The following LRATD1 variants were observed in gnomAD, a reference collection of about 807,000 sequenced individuals.
The protein encoded by LRATD1 is LRAT domain containing 1, also known as protein LRATD1.
LRATD1 carries 8 observed loss-of-function variants against 21.3 expected under a neutral mutation model. The observed-to-expected ratio is 0.38, with a 90% CI of 0.22 to 0.68. The LOEUF (loss-of-function observed/expected upper bound fraction) is 0.68, where lower values mean the gene tolerates loss of function less well. Among genes scored for constraint, LRATD1 ranks in the 30% least tolerant of loss-of-function variants. The pLI is 0.54. For synonymous variants in LRATD1, 210 were observed against 186.2 expected, an observed-to-expected ratio of 1.13 and a Z score of -1.04; for missense variants, 380 against 404.0, an observed-to-expected ratio of 0.94 and a Z score of 0.51.
In LRATD1 at chr2:14,634,001, A is replaced by T; in HGVS notation, c.22A>T (p.Ile8Phe). The part of the protein sequence containing the change: MGNQLDR[I>F]THLNYSELPT... ...ATTGATGGGCAACCAACTGGACCGCATCACCCACCTCAACTACAGCGAGTT... is the reference window on the plus strand; with the variant it reads ...ATTGATGGGCAACCAACTGGACCGCTTCACCCACCTCAACTACAGCGAGTT... The change falls in exon 2 of 2, where the codon ATC becomes TTC. Residue 8 changes from isoleucine to phenylalanine, a missense_variant. Physicochemically the swap from Ile to Phe is conservative, Grantham distance 21 (BLOSUM62 0). Transcript: ENST00000295092. 6.2e-7 allele frequency: 1 copy of T among 1,613,562 alleles called. No homozygotes were observed. Among genetic ancestry groups the T allele is most frequent in the East Asian group, 2.2e-5 (1 of 44,840 alleles).
chr2:14,642,035 A>G (rs1671812004), downstream of LRATD1: 1 of 152,244 alleles, frequency 6.6e-6, no homozygotes, highest in Non-Finnish European at 1.5e-5. Context: ...CACTTGCAGT[A>G]GGTGCTAAAT....
chr2:14,644,852 CTA>C (rs1671868497), downstream of LRATD1, among the ~76,000 whole-genome samples: 1 of 152,044 alleles, frequency 6.6e-6, no homozygotes, highest in African/African-American at 2.4e-5. Context: ...GATGTTGGAG[CTA>C]TGAGGACAAC....
intron 4 of LRATD1, among the ~76,000 whole-genome samples, chr2:14,649,140 G>A (rs561237327): frequency 7.2e-5 from 11 of 152,024 alleles, no homozygotes; most frequent in Non-Finnish European, 1.3e-4. Flanking sequence ...TTTACTTTTT[G>A]ACCTATGTTG....
chr2:14,634,992 G>T lies in LRATD1; in HGVS notation c.*134G>T, dbSNP rs1409144564. On this transcript the variant is annotated 3_prime_UTR_variant, in exon 2 of 2. Coordinates refer to ENST00000295092, the MANE Select transcript of LRATD1 (RefSeq NM_145175.4). Reference sequence around the variant, plus strand: ...CGCGCGTCCGCCGCCGGTGGCCCGGGCCCGGGCTGCACCCCCGCATCCCCA... The same window carrying T: ...CGCGCGTCCGCCGCCGGTGGCCCGGTCCCGGGCTGCACCCCCGCATCCCCA... 1 of 1,236,704 alleles carries T rather than the reference G, an allele frequency of 8.1e-7. No homozygotes were observed. The highest frequency in any genetic ancestry group is 1.4e-5 in the South Asian group (1 of 70,292). 76.6% of individuals were successfully genotyped at this position (1,236,704 alleles called of 1,614,324 possible). A position where few individuals can be genotyped will look rare whatever the true frequency, so the allele number is the denominator to read the frequency against.
Position 14,635,008 on chromosome 2 carries a change from C to T in LRATD1, c.*150C>T. The T allele has an allele frequency of 1.8e-6, 2 of 1,102,316 alleles. No homozygotes were observed. The highest frequency in any genetic ancestry group is 2.7e-6 in the Non-Finnish European group (2 of 753,914). 68.3% of individuals were successfully genotyped at this position (1,102,316 alleles called of 1,614,324 possible). ...GTGGCCCGGGCCCGGGCTGCACCCC[C>T]GCATCCCCAAGCCAGCGGCAGGAAG... On this transcript the variant is annotated 3_prime_UTR_variant, in exon 2 of 2. Coordinates refer to ENST00000295092, the MANE Select transcript of LRATD1 (RefSeq NM_145175.4).
Position 14,634,737 on chromosome 2 carries a change from A to G in LRATD1, c.758A>G (p.Lys253Arg), listed in dbSNP as rs748540195. Residue 253 changes from lysine (K) to arginine (R), a missense_variant, in exon 2 of 2, where the codon AAG becomes AGG. Coordinates refer to ENST00000295092, the MANE Select transcript of LRATD1 (RefSeq NM_145175.4). Reference sequence around the variant, plus strand: ...CTCAAGGTGCACCTGGGAGAGAACAAGGTCCACACCGCCAGGTTTCACAGC... The same window carrying G: ...CTCAAGGTGCACCTGGGAGAGAACAGGGTCCACACCGCCAGGTTTCACAGC... ...YYLKVHLGEN[K>R]VHTARFHSLE... is the part of the protein sequence containing the mutation. The G allele has an allele frequency of 2.6e-6, 4 of 1,565,040 alleles. No individual in the cohort carries two copies. The highest frequency in any genetic ancestry group is 3.5e-6 in the Non-Finnish European group (4 of 1,152,326).
In LRATD1 at chr2:14,634,132, C is replaced by A. The variant is rs752110913; in HGVS notation, c.153C>A (p.Asp51Glu). ...EEDLDERGQP[D>E]KFGVKAPPGC... is the part of the protein sequence containing the mutation. ...ACCTGGACGAACGCGGGCAGCCCGA[C>A]AAGTTTGGCGTGAAGGCCCCCCCGG... Residue 51 changes from aspartate (D) to glutamate (E), a missense_variant, in exon 2 of 2, where the codon GAC becomes GAA. Transcript: ENST00000295092. The A allele has an allele frequency of 6.2e-7, 1 of 1,614,118 alleles. No individual in the cohort carries two copies. The highest frequency in any genetic ancestry group is 1.7e-5 in the Admixed American group (1 of 60,030).
chr2:14,641,780 G>C (rs1362511198), downstream of LRATD1, among the ~76,000 whole-genome samples: 1 of 152,086 alleles, frequency 6.6e-6, no homozygotes, highest in East Asian at 1.9e-4. Context: ...TTTCTATGTT[G>C]TCCCCTTAAC....
rs1352423803 is a variant in LRATD1, at chr2:14,639,099, CAG to C, written c.*4243_*4244del. ...GCCTATAGCTAGCAATTATTTCATT[CAG>C]ATACACACACACACACACACACACA... On this transcript the variant is annotated 3_prime_UTR_variant, in exon 2 of 2. Coordinates refer to ENST00000295092, the MANE Select transcript of LRATD1 (RefSeq NM_145175.4). The C allele has an allele frequency of 1.5e-5, 2 of 131,548 alleles. No individual in the cohort carries two copies. The highest frequency in any genetic ancestry group is 9.2e-5 in the African/African-American group (2 of 21,772). 8.1% of individuals were successfully genotyped at this position (131,548 alleles called of 1,614,324 possible).
At chr2:14,645,292 C>T (rs1201388459) in intron 2 of LRATD1, among the ~76,000 whole-genome samples, 1 of 152,110 alleles carries the variant, frequency 6.6e-6, no homozygotes, top group Non-Finnish European at 1.5e-5. Flanking sequence ...GTGCAATTCC[C>T]ATTTACTTTA....
At position 14,635,786 on chromosome 2, in the gene LRATD1, T is replaced by C. The variant is rs1052630532; in HGVS notation, c.*928T>C. 5.3e-6 allele frequency: 2 copies of C among 380,154 alleles called. No individual in the cohort carries two copies. The highest frequency in any genetic ancestry group is 3.5e-5 in the Admixed American group (1 of 28,246). 23.5% of individuals were successfully genotyped at this position (380,154 alleles called of 1,614,324 possible). Reference sequence around the variant, plus strand: ...CTGCATTTCAAAAATAGTCATATTTTTAAAGGAGTTGGAGGAGAGGGAGGG... The same window carrying C: ...CTGCATTTCAAAAATAGTCATATTTCTAAAGGAGTTGGAGGAGAGGGAGGG... On this transcript the variant is annotated 3_prime_UTR_variant, in exon 2 of 2. Transcript: ENST00000295092.
In LRATD1 at chr2:14,639,194, T is replaced by G. The variant is rs1180140349; in HGVS notation, c.*4336T>G. 2 of 166,974 alleles carry G rather than the reference T, an allele frequency of 1.2e-5. No homozygotes were observed. The highest frequency in any genetic ancestry group is 1.9e-4 in the East Asian group (1 of 5,192). The allele number at this position is 166,974 out of a possible 1,614,324, so 10.3% of individuals were successfully genotyped here. A position where few individuals can be genotyped will look rare whatever the true frequency, so the allele number is the denominator to read the frequency against. ...AGGAAGAAAAGCCCTGGAGGTCATA[T>G]AGCTAATGTATAACTGCACAGCAAG... On this transcript the variant is annotated 3_prime_UTR_variant, in exon 2 of 2. Transcript: ENST00000295092.
chr2:14,633,810 G>T lies in LRATD1; in HGVS notation c.-36-134G>T. ...CCCCTGGGGAGGCACGGAGGACTCGGCTGGAAAGGGTGACTCCGGTGAGGG... is the reference window on the plus strand; with the variant it reads ...CCCCTGGGGAGGCACGGAGGACTCGTCTGGAAAGGGTGACTCCGGTGAGGG... On this transcript the variant is annotated intron_variant, in intron 1 of 1. Transcript: ENST00000295092. The surrounding 1 kb of genome is among the most constrained non-coding windows in gnomAD (Gnocchi z 7.5). The T allele has an allele frequency of 1.1e-6, 1 of 891,292 alleles. No homozygotes were observed. The highest frequency in any genetic ancestry group is 2.9e-5 in the Admixed American group (1 of 34,708). 55.2% of individuals were successfully genotyped at this position (891,292 alleles called of 1,614,324 possible). A position where few individuals can be genotyped will look rare whatever the true frequency, so the allele number is the denominator to read the frequency against.
At chr2:14,648,262 G>T (rs1671930371) in intron 4 of LRATD1, among the ~76,000 whole-genome samples, 2 of 152,088 alleles carry the variant, frequency 1.3e-5, no homozygotes, top group Admixed American at 1.3e-4. Context: ...TAGCACAGCA[G>T]TTCTCAACCT....
downstream of LRATD1, among the ~76,000 whole-genome samples, chr2:14,642,443 C>T (rs1671822967): frequency 6.6e-6 from 1 of 152,088 alleles, no homozygotes; most frequent in Non-Finnish European, 1.5e-5. Context: ...TCAAAGGCAC[C>T]TGAGGTTTGA....
chr2:14,638,793 G>A lies in LRATD1; in HGVS notation c.*3935G>A, dbSNP rs553808714. 6.0e-6 allele frequency: 1 copy of A among 167,062 alleles called. No homozygotes were observed. Among genetic ancestry groups the A allele is most frequent in the East Asian group, 1.9e-4 (1 of 5,172 alleles). 10.3% of individuals were successfully genotyped at this position (167,062 alleles called of 1,614,324 possible). A position where few individuals can be genotyped will look rare whatever the true frequency, so the allele number is the denominator to read the frequency against. ...TTTTTGAACAAATGAAGAGAATCCA[G>A]TTAGTTTTTGCCTTTCAGAGGTGAT... On this transcript the variant is annotated 3_prime_UTR_variant, in exon 2 of 2. Coordinates refer to ENST00000295092, the MANE Select transcript of LRATD1 (RefSeq NM_145175.4).
rs770803343 is a variant in LRATD1, at chr2:14,634,099, T to G, written c.120T>G (p.Asp40Glu). ...RVGVAYFFSD[D>E]EEDLDERGQP... ...GGGTTGCCTACTTCTTCTCGGATGA[T>G]GAGGAAGACCTGGACGAACGCGGGC... Residue 40 changes from aspartate to glutamate, a missense_variant, in exon 2 of 2, where the codon GAT (aspartate) becomes GAG (glutamate). Transcript: ENST00000295092. 1.7e-5 allele frequency: 27 copies of G among 1,613,980 alleles called. No individual in the cohort carries two copies. The Admixed American group carries it at 4.5e-4, about 27-fold the overall frequency.
rs1409486381 is a variant in LRATD1, at chr2:14,636,029, A to AT, written c.*1176dup. On this transcript the variant is annotated 3_prime_UTR_variant, in exon 2 of 2. Coordinates refer to ENST00000295092, the MANE Select transcript of LRATD1 (RefSeq NM_145175.4). The stretch of plus-strand genomic sequence containing the variant: ...CAGGCTAATAAAATTTCAAATTGAA[A>AT]TTTTTATTTTCATGGCTTTAATCCA... 4.5e-6 allele frequency: 1 copy of AT among 220,514 alleles called. No individual in the cohort carries two copies. Among genetic ancestry groups the AT allele is most frequent in the East Asian group, 1.1e-4 (1 of 8,978 alleles). 13.7% of individuals were successfully genotyped at this position (220,514 alleles called of 1,614,324 possible).
chr2:14,650,101 CA>C (rs1168174860), downstream of LRATD1: 1 of 152,156 alleles, frequency 6.6e-6, no homozygotes, highest in Non-Finnish European at 1.5e-5. Context: ...TATAGCAGCC[CA>C]AACAGACATT....
Sources: allele counts gnomAD v4.1 joint callset (sites outside exome capture counted in the v4.1 genomes callset), GRCh38; gene constraint gnomAD v4.1.1; non-coding constraint Gnocchi (gnomAD v3.1); transcripts MANE v1.5; gene names NCBI Gene and HGNC (gene_info 2026-07-23, HGNC 2026-07-21).